Variants in TENM3 observed in about 807,000 individuals in gnomAD.
The protein encoded by TENM3 is teneurin transmembrane protein 3.
Under a neutral mutation model 255.1 loss-of-function variants are expected in TENM3, and 63 were observed. The ratio of observed to expected loss-of-function variants is 0.25; its 90% CI spans 0.20 to 0.30. TENM3 has a LOEUF of 0.30. Among genes scored for constraint, TENM3 ranks in the 10% least tolerant of loss-of-function variants. The probability of loss-of-function intolerance (pLI) is 1.00; values close to 1 mark genes in which losing one functional copy is unlikely to be tolerated. For missense variants in TENM3, 2,929 were observed against 3,461.1 expected (o/e 0.85, Z 3.86); for synonymous variants, 1,306 against 1,322.3 (o/e 0.99, Z 0.27).
chr4:181,880,402 A>G, the TENM3 span, among the ~76,000 whole-genome samples: 2 of 152,358 alleles, frequency 1.3e-5, no homozygotes, highest in South Asian at 2.1e-4. Flanking sequence ...ATGTTAATTA[A>G]CAAATAAACA....
At chr4:182,380,642 C>G (rs1580354367) in intron 3 of TENM3, among the ~76,000 whole-genome samples, 1 of 152,164 alleles carries the variant, frequency 6.6e-6, no homozygotes, top group African/African-American at 2.4e-5. Flanking sequence ...GCACCTTGAA[C>G]TACACATAAA....
At chr4:181,908,738 T>C in the TENM3 span, among the ~76,000 whole-genome samples, 3 of 152,176 alleles carry the variant, frequency 2.0e-5, no homozygotes, top group South Asian at 6.2e-4. Flanking sequence ...TTGTAGGAAG[T>C]TTAATTTTTC....
chr4:182,162,967 G>T (rs1751456732), intron 1 of TENM3, among the ~76,000 whole-genome samples: 1 of 152,094 alleles, frequency 6.6e-6, no homozygotes, highest in African/African-American at 2.4e-5. Context: ...TCTTCTCTCA[G>T]GCCTGAGGAG....
chr4:182,298,984 CAAAAAAAAAAAAAA>C (rs11283401), intron 1 of TENM3, among the ~76,000 whole-genome samples: 27 of 25,562 alleles, frequency 1.1e-3, no homozygotes, highest in South Asian at 7.9e-3. Flanking sequence ...GACTCCTTCT[CAAAAAAAAAAAAAA>C]AAAAAAAAAA....
chr4:182,564,128 C>T (rs1267195313), intron 3 of TENM3, among the ~76,000 whole-genome samples: 1 of 152,114 alleles, frequency 6.6e-6, no homozygotes, highest in Non-Finnish European at 1.5e-5. Context: ...GGATCCCTGG[C>T]ATAAGATTTT....
chr4:181,639,663 C>T, the TENM3 span, among the ~76,000 whole-genome samples: 3 of 152,166 alleles, frequency 2.0e-5, no homozygotes, highest in African/African-American at 7.2e-5. Flanking sequence ...TCGCTTGAAC[C>T]CAGGAGGCAG....
intron 3 of TENM3, among the ~76,000 whole-genome samples, chr4:182,439,117 G>C (rs1173750337): frequency 1.3e-5 from 2 of 152,182 alleles, no homozygotes; most frequent in African/African-American, 4.8e-5. Flanking sequence ...AATGACTCCA[G>C]ATCTTTTGCA....
chr4:181,493,546 G>A, the TENM3 span, among the ~76,000 whole-genome samples: 1 of 151,886 alleles, frequency 6.6e-6, no homozygotes, highest in Non-Finnish European at 1.5e-5. Flanking sequence ...TGACCAACAT[G>A]GTGAAACCCC....
At chr4:182,722,746 T>C (rs987834082) in intron 13 of TENM3, among the ~76,000 whole-genome samples, 2 of 152,164 alleles carry the variant, frequency 1.3e-5, no homozygotes, top group African/African-American at 4.8e-5. Flanking sequence ...GAATGGATAG[T>C]TGGGGCAAGA....
chr4:182,313,625 C>T (rs1216916664), intron 1 of TENM3, among the ~76,000 whole-genome samples: 2 of 151,772 alleles, frequency 1.3e-5, no homozygotes, highest in Non-Finnish European at 2.9e-5. Flanking sequence ...TTTCCAGTTT[C>T]CAGAAGGAAA....
the TENM3 span, among the ~76,000 whole-genome samples, chr4:181,526,031 T>G: frequency 6.6e-6 from 1 of 152,214 alleles, no homozygotes; most frequent in Non-Finnish European, 1.5e-5. Context: ...CTCATTCAGC[T>G]TTCCCAGACA....
chr4:181,619,382 T>C, the TENM3 span, among the ~76,000 whole-genome samples: 5 of 152,074 alleles, frequency 3.3e-5, no homozygotes, highest in Non-Finnish European at 7.4e-5. Flanking sequence ...AGGAAAAAAG[T>C]TCTTTATAAC....
chr4:182,340,072 C>A (rs1419303058), intron 2 of TENM3, among the ~76,000 whole-genome samples: 1 of 152,198 alleles, frequency 6.6e-6, no homozygotes, highest in Non-Finnish European at 1.5e-5. Context: ...GGCCACCAAA[C>A]CTTCCATTCA....
intron 1 of TENM3, among the ~76,000 whole-genome samples, chr4:182,205,685 A>G (rs1030106831): frequency 6.6e-6 from 1 of 152,254 alleles, no homozygotes; most frequent in African/African-American, 2.4e-5. Context: ...AGACAACTCC[A>G]TGAACAGTTT....
the TENM3 span, among the ~76,000 whole-genome samples, chr4:181,936,876 G>C: frequency 6.6e-6 from 1 of 152,024 alleles, no homozygotes; most frequent in Non-Finnish European, 1.5e-5. Context: ...TAGGCTCTAG[G>C]CGCAAAGGGG....
intron 4 of TENM3, among the ~76,000 whole-genome samples, chr4:182,616,221 G>A (rs1270873281): frequency 2.6e-5 from 4 of 152,246 alleles, no homozygotes; most frequent in Non-Finnish European, 4.4e-5. Flanking sequence ...AACTGTTTTC[G>A]TGTAAAAGAT....
intron 24 of TENM3, among the ~76,000 whole-genome samples, chr4:182,783,528 T>C (rs1467927855): frequency 6.6e-6 from 1 of 151,722 alleles, no homozygotes; most frequent in Non-Finnish European, 1.5e-5. Context: ...CTGACAATTA[T>C]GTGTCTTGGA....
chr4:181,836,183 G>GCGCACACACA, the TENM3 span, among the ~76,000 whole-genome samples: 3 of 148,844 alleles, frequency 2.0e-5, no homozygotes, highest in Non-Finnish European at 4.5e-5. Flanking sequence ...ATACACACAT[G>GCGCACACACA]CACACACACA....
At chr4:182,458,875 A>G (rs957144011) in intron 3 of TENM3, among the ~76,000 whole-genome samples, 6 of 152,166 alleles carry the variant, frequency 3.9e-5, no homozygotes, top group East Asian at 1.9e-4. Context: ...TGGTTGTGCT[A>G]TGGACTGCAT....
Sources: allele counts gnomAD v4.1 joint callset (sites outside exome capture counted in the v4.1 genomes callset), GRCh38; gene constraint gnomAD v4.1.1; transcripts MANE v1.5; gene names NCBI Gene and HGNC (gene_info 2026-07-23, HGNC 2026-07-21).